CTNS: variants seen among roughly 807,000 people sequenced by gnomAD.
CTNS encodes cystinosin.
Under a neutral mutation model 43.7 loss-of-function variants are expected in CTNS, and 27 were observed. The ratio of observed to expected loss-of-function variants is 0.62; its 90% confidence interval spans 0.46 to 0.85. CTNS has a LOEUF of 0.85. CTNS is among the 40% of genes least tolerant of loss of function. CTNS has a pLI of 0.00. For synonymous variants in CTNS, 187 were observed against 190.6 expected, an observed-to-expected ratio of 0.98 and a Z score of 0.16; for missense variants, 457 against 475.4, an observed-to-expected ratio of 0.96 and a Z score of 0.36.
chr17:3,659,090 T>C (rs1047963043), intron 10 of CTNS, among the ~76,000 whole-genome samples: 2 of 151,716 alleles, frequency 1.3e-5, no homozygotes, highest in African/African-American at 4.8e-5. Context: ...TTGGAACTGC[T>C]GGAGGGGCAG....
intron 3 of CTNS, among the ~76,000 whole-genome samples, chr17:3,646,219 C>T (rs901009975): frequency 2.6e-5 from 4 of 152,006 alleles, no homozygotes; most frequent in Non-Finnish European, 5.9e-5. Context: ...ACAAAGAATA[C>T]AGGAAGCACA....
chr17:3,653,164 C>T (rs1279929571), intron 5 of CTNS, among the ~76,000 whole-genome samples: 1 of 152,252 alleles, frequency 6.6e-6, no homozygotes, highest in African/African-American at 2.4e-5. Flanking sequence ...GTAATCCCAC[C>T]ACTTTGGGAG....
chr17:3,650,116 T>TG, intron 5 of CTNS: 1 of 1,531,298 alleles, frequency 6.5e-7, no homozygotes, highest in Middle Eastern at 1.7e-4. Flanking sequence ...CATCAAAGCA[T>TG]CACGTTATAT....
chr17:3,654,174 GT>G (rs1164126835), intron 5 of CTNS, among the ~76,000 whole-genome samples: 2 of 152,202 alleles, frequency 1.3e-5, no homozygotes, highest in East Asian at 3.8e-4. Context: ...GCTCTGTGCT[GT>G]CAGCTTTCTG....
At chr17:3,657,857 G>A (rs1415431969) in intron 9 of CTNS, 148 bp from the exon 10 acceptor site, 10 of 807,852 alleles carry the variant, frequency 1.2e-5, no homozygotes, top group Non-Finnish European at 1.8e-5. Context: ...CACAACCCCA[G>A]TGCAGCCCCC....
chr17:3,658,199 T>C (rs749737424), intron 10 of CTNS, 24 bp downstream of exon 10: 2 of 1,611,244 alleles, frequency 1.2e-6, no homozygotes, highest in Admixed American at 3.3e-5. Flanking sequence ...CCTGTTCACA[T>C]GGCCGGTGGC....
chr17:3,660,514 C>A lies in CTNS; in HGVS notation c.*145C>A. 6.2e-7 allele frequency: 1 copy of A among 1,612,486 alleles called. No homozygotes were observed. Among genetic ancestry groups the A allele is most frequent in the Non-Finnish European group, 8.5e-7 (1 of 1,179,956 alleles). ...AGAGGAGACCACTCTGCTCCTGGGG[C>A]CAGAGGCCATTCAATAGCCTGCCTT... is the stretch of plus-strand genomic sequence containing the variant. On this transcript the variant is annotated 3_prime_UTR_variant, in exon 12 of 12. Transcript: ENST00000046640.
intron 3 of CTNS, among the ~76,000 whole-genome samples, chr17:3,644,442 A>G (rs1384121128): frequency 1.3e-5 from 2 of 152,154 alleles, no homozygotes; most frequent in Non-Finnish European, 2.9e-5. Context: ...TGGAGTGTTC[A>G]CAAACTCCTA....
intron 5 of CTNS, among the ~76,000 whole-genome samples, chr17:3,651,392 A>G (rs978268012): frequency 6.6e-6 from 1 of 152,118 alleles, no homozygotes; most frequent in African/African-American, 2.4e-5. Flanking sequence ...CGCCTGGCCA[A>G]AGTGTCCTCT....
chr17:3,658,849 C>T (rs558987995), intron 10 of CTNS, among the ~76,000 whole-genome samples: 5 of 152,260 alleles, frequency 3.3e-5, no homozygotes, highest in Admixed American at 2.0e-4. Flanking sequence ...CCGGGCGTTC[C>T]GGGCCAGGCC....
chr17:3,640,707 G>C (rs1284671939), intron 3 of CTNS, among the ~76,000 whole-genome samples: 1 of 152,178 alleles, frequency 6.6e-6, no homozygotes, highest in Non-Finnish European at 1.5e-5. Context: ...AGACCAACCT[G>C]GGCAACGTAG....
chr17:3,653,151 C>A (rs2076028167), intron 5 of CTNS, among the ~76,000 whole-genome samples: 1 of 152,224 alleles, frequency 6.6e-6, no homozygotes, highest in South Asian at 2.1e-4. Flanking sequence ...GTGGCTCACG[C>A]CTGTAATCCC....
chr17:3,647,225 C>T (rs558159437), intron 3 of CTNS, among the ~76,000 whole-genome samples: 199 of 152,312 alleles, frequency 1.3e-3, no homozygotes, highest in African/African-American at 4.6e-3. Context: ...GAGGACGCTC[C>T]GGCGTTTCCT....
Position 3,660,246 on chromosome 17 carries a change from G to A in CTNS, c.981G>A (p.Thr327=), listed in dbSNP as rs779967932. The A allele has an allele frequency of 5.0e-6, 8 of 1,614,122 alleles. No individual in the cohort carries two copies. The highest frequency in any genetic ancestry group is 2.2e-5 in the East Asian group (1 of 44,900). Residue 327 remains threonine, a synonymous_variant, in exon 12 of 12, where the codon ACG becomes ACA. Coordinates refer to ENST00000046640, the MANE Select transcript of CTNS (RefSeq NM_004937.3). ...CCCGGCTGCTAACAGACCAGTGGAC[G>A]CTGATCTTCGGAGACCCAACCAAGT... is the stretch of plus-strand genomic sequence containing the variant. ...FLQSYNNDQW[T]LIFGDPTKFG... is the part of the protein sequence containing the mutation.
At position 3,638,410 on chromosome 17, in the gene CTNS, G is replaced by T. The variant is rs896670028; in HGVS notation, c.-20+1094G>T. 2.6e-5 allele frequency among the ~76,000 whole-genome samples: 4 copies of T among 151,914 alleles called. No individual in the cohort carries two copies. The South Asian group carries it at 8.3e-4, about 32-fold the overall frequency. ...ATGCCACCACGCCTGGCTAATTTTT[G>T]TATTTTTAGTAGAGACGGGGATTCA... On this transcript the variant is annotated intron_variant, in intron 2 of 11. Transcript: ENST00000046640.
chr17:3,655,396 G>A lies in CTNS; in HGVS notation c.461+44G>A, dbSNP rs754911336. The A allele has an allele frequency of 3.7e-6, 6 of 1,612,150 alleles. No individual in the cohort carries two copies. In the East Asian group the frequency reaches 1.3e-4, roughly 36 times the overall value. Reference sequence around the variant, plus strand: ...TGTGCAGGCTCTCTCGGGGCCCCTAGGAGCAGGGCGTTCCAGCAAGGCTGC... The same window carrying A: ...TGTGCAGGCTCTCTCGGGGCCCCTAAGAGCAGGGCGTTCCAGCAAGGCTGC... On this transcript the variant is annotated intron_variant, in intron 7 of 11. Coordinates refer to ENST00000046640, the MANE Select transcript of CTNS (RefSeq NM_004937.3).
intron 5 of CTNS, among the ~76,000 whole-genome samples, chr17:3,654,693 AAAAAG>A (rs1365340114): frequency 6.7e-6 from 1 of 149,934 alleles, no homozygotes; most frequent in Admixed American, 6.6e-5. Flanking sequence ...AAAAAAAAAA[AAAAAG>A]GAAAGTCTCA....
At chr17:3,658,304 G>A (rs1364096146) in intron 10 of CTNS, 129 bp downstream of exon 10, 1 of 1,290,672 alleles carries the variant, frequency 7.7e-7, no homozygotes. Flanking sequence ...GGGAGCCCGG[G>A]AGCCCAGCGG....
intron 5 of CTNS, among the ~76,000 whole-genome samples, chr17:3,651,318 C>T (rs375460274): frequency 6.6e-6 from 1 of 152,180 alleles, no homozygotes; most frequent in Admixed American, 6.5e-5. Flanking sequence ...TGGTCTTGAA[C>T]TCCTGGCCTC....
Sources: gnomAD v4.1 joint callset for allele counts (sites outside exome capture counted in the v4.1 genomes callset) on GRCh38, gnomAD v4.1.1 for gene constraint, MANE v1.5 for transcripts, NCBI Gene and HGNC (gene_info 2026-07-23, HGNC 2026-07-21) for gene names.